Variants in ENTREP2 observed in about 807,000 individuals in gnomAD.
ENTREP2 encodes endosomal transmembrane epsin interactor 2.
the ENTREP2 span, among the ~76,000 whole-genome samples, chr15:29,261,877 G>A: frequency 6.8e-6 from 1 of 147,738 alleles, no homozygotes. Context: ...TGCCTTAAAT[G>A]AATTAGAAAT....
the ENTREP2 span, chr15:29,234,875 G>A: frequency 1.4e-6 from 2 of 1,472,444 alleles, no homozygotes; most frequent in Non-Finnish European, 1.9e-6. Flanking sequence ...CGAACGAATT[G>A]TTGTCAAAAC....
chr15:29,662,983 G>C, the ENTREP2 span, among the ~76,000 whole-genome samples: 1 of 152,008 alleles, frequency 6.6e-6, no homozygotes, highest in South Asian at 2.1e-4. Flanking sequence ...AAAGTGCTGG[G>C]ATTGCAGGTG....
the ENTREP2 span, among the ~76,000 whole-genome samples, chr15:29,539,747 C>A: frequency 6.6e-6 from 1 of 152,130 alleles, no homozygotes; most frequent in Non-Finnish European, 1.5e-5. Flanking sequence ...GGCCCAGAAT[C>A]GCTAGGAGGG....
chr15:29,466,357 C>T, the ENTREP2 span, among the ~76,000 whole-genome samples: 2 of 152,202 alleles, frequency 1.3e-5, no homozygotes, highest in African/African-American at 4.8e-5. Flanking sequence ...AGAGACCAGC[C>T]AGCAAGGTAG....
the ENTREP2 span, among the ~76,000 whole-genome samples, chr15:29,580,035 A>G: frequency 1.3e-5 from 2 of 151,936 alleles, no homozygotes; most frequent in South Asian, 2.1e-4. Context: ...TAGGAGAGAC[A>G]GGGTTTTTCC....
At chr15:29,532,150 A>T in the ENTREP2 span, among the ~76,000 whole-genome samples, 5 of 152,152 alleles carry the variant, frequency 3.3e-5, no homozygotes, top group African/African-American at 1.2e-4. Flanking sequence ...TATACCTCAG[A>T]TTCTAATTTT....
chr15:29,434,008 C>T, the ENTREP2 span, among the ~76,000 whole-genome samples: 17,053 of 152,146 alleles, frequency 0.11, 1,802 homozygotes, highest in African/African-American at 0.28. Context: ...GTTTGTCTGT[C>T]TACCCTCTGT....
the ENTREP2 span, among the ~76,000 whole-genome samples, chr15:29,573,792 C>T: frequency 6.6e-6 from 1 of 152,142 alleles, no homozygotes; most frequent in South Asian, 2.1e-4. Flanking sequence ...ATGACTGACT[C>T]CATTTTAATT....
chr15:29,159,828 G>T, the ENTREP2 span, among the ~76,000 whole-genome samples: 1 of 152,242 alleles, frequency 6.6e-6, no homozygotes, highest in Non-Finnish European at 1.5e-5. Context: ...AGACATAAAG[G>T]TTCTCCAAGT....
chr15:29,426,023 ATAAT>A, the ENTREP2 span, among the ~76,000 whole-genome samples: 4 of 150,300 alleles, frequency 2.7e-5, no homozygotes, highest in East Asian at 1.9e-4. Flanking sequence ...TTGAATTTAT[ATAAT>A]TATTACATAA....
chr15:29,649,727 CAAAAAAAA>C, the ENTREP2 span, among the ~76,000 whole-genome samples: 5 of 66,958 alleles, frequency 7.5e-5, 1 homozygote, highest in Non-Finnish European at 1.3e-4. Context: ...TCAACAACAA[CAAAAAAAA>C]AAAAAAAAAA....
chr15:29,246,806 T>C, the ENTREP2 span, among the ~76,000 whole-genome samples: 10 of 152,182 alleles, frequency 6.6e-5, no homozygotes, highest in Admixed American at 5.9e-4. Context: ...CACACATCCA[T>C]CCAGTGGAAT....
the ENTREP2 span, among the ~76,000 whole-genome samples, chr15:29,217,316 A>C: frequency 6.6e-6 from 1 of 152,224 alleles, no homozygotes; most frequent in Admixed American, 6.5e-5. Context: ...CTCTTAGCTA[A>C]GGAAGAGTCC....
the ENTREP2 span, chr15:29,613,428 A>AC: frequency 2.1e-6 from 1 of 466,710 alleles, no homozygotes; most frequent in Non-Finnish European, 4.3e-6. Flanking sequence ...CTTCCAGCTG[A>AC]CCCACTCACT....
chr15:29,592,064 C>T, the ENTREP2 span, among the ~76,000 whole-genome samples: 11 of 152,140 alleles, frequency 7.2e-5, no homozygotes, highest in Non-Finnish European at 1.3e-4. Context: ...TTCTAGCTTC[C>T]ACAACTGTGA....
At chr15:29,631,835 G>A in the ENTREP2 span, among the ~76,000 whole-genome samples, 1 of 152,170 alleles carries the variant, frequency 6.6e-6, no homozygotes, top group Non-Finnish European at 1.5e-5. Flanking sequence ...CTGCCACCTG[G>A]CCCTGGTGGA....
chr15:29,474,991 T>C, the ENTREP2 span, among the ~76,000 whole-genome samples: 1 of 152,224 alleles, frequency 6.6e-6, no homozygotes, highest in Non-Finnish European at 1.5e-5. Flanking sequence ...AAGGCAAATG[T>C]ATGAACATTT....
the ENTREP2 span, among the ~76,000 whole-genome samples, chr15:29,246,973 G>GCAAA: frequency 7.3e-6 from 1 of 137,012 alleles, no homozygotes; most frequent in Non-Finnish European, 1.6e-5. Flanking sequence ...GACTGGAAAG[G>GCAAA]CACACACACA....
At chr15:29,294,478 C>T in the ENTREP2 span, among the ~76,000 whole-genome samples, 1 of 152,184 alleles carries the variant, frequency 6.6e-6, no homozygotes, top group African/African-American at 2.4e-5. Flanking sequence ...TGGGCCTCCA[C>T]AGTGGGGAAA....
Sources: allele counts gnomAD v4.1 joint callset (sites outside exome capture counted in the v4.1 genomes callset), GRCh38; gene constraint gnomAD v4.1.1; transcripts MANE v1.5; gene names NCBI Gene and HGNC (gene_info 2026-07-23, HGNC 2026-07-21).